Variants in AADACL2 observed in about 807,000 individuals in gnomAD.
The protein encoded by AADACL2 is arylacetamide deacetylase-like 2.
Under a neutral mutation model 22.3 loss-of-function variants are expected in AADACL2, and 23 were observed. The ratio of observed to expected loss-of-function variants is 1.03; its 90% CI spans 0.74 to 1.46. The LOEUF (loss-of-function observed/expected upper bound fraction) is 1.46, where lower values mean the gene tolerates loss of function less well. Ranked by LOEUF, AADACL2 falls within the 40% of genes most tolerant of loss-of-function variation. AADACL2 has a pLI of 0.00. For synonymous variants in AADACL2, 177 were observed against 166.2 expected (o/e 1.07, Z -0.50); for missense variants, 472 against 482.9 (o/e 0.98, Z 0.21).
In AADACL2 at chr3:151,757,415, T is replaced by C. The variant is rs1052562; in HGVS notation, c.1027T>C (p.Leu343=). ...TYILTCQHDL[L]RDDGLMYVTR... is the part of the protein sequence containing the mutation. ...TATTCTTACTTGTCAACATGATCTC[T>C]TAAGAGATGATGGACTTATGTATGT... The change falls in exon 5 of 5, where the codon TTA becomes CTA. Residue 343 remains leucine (L), a synonymous_variant. Transcript: ENST00000356517. The C allele has an allele frequency of 6.2e-7, 1 of 1,613,608 alleles. No homozygotes were observed. Among genetic ancestry groups the C allele is most frequent in the Non-Finnish European group, 8.5e-7 (1 of 1,179,692 alleles).
In AADACL2 at chr3:151,740,834, T is replaced by C. The variant is rs762903761; in HGVS notation, c.327T>C (p.Tyr109=). 1.2e-6 allele frequency: 2 copies of C among 1,613,990 alleles called. No individual in the cohort carries two copies. The highest frequency in any genetic ancestry group is 3.3e-5 in the Admixed American group (2 of 60,010). ...AAACCCGAAGGCGAGCTGTGATATA[T>C]TTTCATGGTGGTGGTTTTTGTTTTG... ...KSETRRRAVI[Y]FHGGGFCFGS... is the part of the protein sequence containing the mutation. Residue 109 remains tyrosine (Y), a synonymous_variant, in exon 2 of 5, where the codon TAT becomes TAC. Coordinates refer to ENST00000356517, the MANE Select transcript of AADACL2 (RefSeq NM_207365.4).
intron 4 of AADACL2, among the ~76,000 whole-genome samples, chr3:151,745,975 A>G (rs1713430351): frequency 6.6e-6 from 1 of 152,106 alleles, no homozygotes. Context: ...TATCTTATCA[A>G]TTTTTAAAAA....
At chr3:151,750,916 A>T (rs928960364) in intron 4 of AADACL2, among the ~76,000 whole-genome samples, 5 of 152,222 alleles carry the variant, frequency 3.3e-5, no homozygotes, top group Admixed American at 3.3e-4. Flanking sequence ...AATTGTAGTG[A>T]TAACAAAGCT....
Position 151,744,130 on chromosome 3 carries a change from A to T in AADACL2, c.399A>T (p.Ala133=), listed in dbSNP as rs755766477. The part of the protein sequence containing the change: ...RAFDFLNRWT[A]NTLDAVVVGV... ...TTGACTTCCTGAATAGATGGACGGC[A>T]AACACGCTTGATGCTGTTGTTGTAG... Residue 133 remains alanine (A), a synonymous_variant, in exon 3 of 5, where the codon GCA becomes GCT. Transcript: ENST00000356517. 1.2e-6 allele frequency: 2 copies of T among 1,613,780 alleles called. No homozygotes were observed. Among genetic ancestry groups the T allele is most frequent in the Non-Finnish European group, 1.7e-6 (2 of 1,179,756 alleles).
chr3:151,740,947 CTT>C (rs1713261911), intron 2 of AADACL2, 79 bp downstream of exon 2: 5 of 1,149,524 alleles, frequency 4.3e-6, no homozygotes, highest in African/African-American at 3.1e-5. Flanking sequence ...AATATACACA[CTT>C]ATACTGATAC....
Position 151,759,796 on chromosome 3 carries a change from T to A in AADACL2, c.*2202T>A, listed in dbSNP as rs894540754. 1 of 152,228 alleles carries A rather than the reference T, an allele frequency of 6.6e-6. No individual in the cohort carries two copies. Among genetic ancestry groups the A allele is most frequent in the African/African-American group, 2.4e-5 (1 of 41,460 alleles). The allele number at this position is 152,228 out of a possible 1,614,324, so 9.4% of individuals were successfully genotyped here. On this transcript the variant is annotated 3_prime_UTR_variant, in exon 5 of 5. Coordinates refer to ENST00000356517, the MANE Select transcript of AADACL2 (RefSeq NM_207365.4). ...TATCCAGGCACTGTTACTGTTTGTA[T>A]GCTAAAGGGTTCATTTCACTGGGTC...
chr3:151,739,615 C>G (rs1173349473), intron 1 of AADACL2, among the ~76,000 whole-genome samples: 1 of 152,238 alleles, frequency 6.6e-6, no homozygotes, highest in Non-Finnish European at 1.5e-5. Flanking sequence ...GCACCCACAG[C>G]TTCCCCTTCC....
At chr3:151,748,910 G>A (rs765134759) in intron 4 of AADACL2, among the ~76,000 whole-genome samples, 1 of 152,128 alleles carries the variant, frequency 6.6e-6, no homozygotes, top group Non-Finnish European at 1.5e-5. Context: ...CTATATGTTT[G>A]TTTATATGCC....
At chr3:151,743,271 G>C (rs934686766) in intron 2 of AADACL2, among the ~76,000 whole-genome samples, 1 of 152,136 alleles carries the variant, frequency 6.6e-6, no homozygotes, top group Admixed American at 6.6e-5. Context: ...TGCAAGAGAA[G>C]GTCCAGAGAA....
chr3:151,738,565 C>A (rs1713169282), intron 1 of AADACL2, among the ~76,000 whole-genome samples: 2 of 152,168 alleles, frequency 1.3e-5, no homozygotes, highest in South Asian at 2.1e-4. Context: ...AGAAGTTCTC[C>A]TGGATAATAT....
rs776800077 is a variant in AADACL2, at chr3:151,757,115, A to G, written c.727A>G (p.Arg243Gly). 2 of 1,613,256 alleles carry G rather than the reference A, an allele frequency of 1.2e-6. No individual in the cohort carries two copies. The highest frequency in any genetic ancestry group is 2.7e-5 in the African/African-American group (2 of 74,806). The change falls in exon 5 of 5, where the codon AGG (arginine) becomes GGG (glycine). Residue 243 changes from arginine to glycine, a missense_variant. Transcript: ENST00000356517. ...AAATGAGCATGGTATAGTTTTGACCAGGGATGTAGCCATAAAACTCGTGAG... is the reference window on the plus strand; with the variant it reads ...AAATGAGCATGGTATAGTTTTGACCGGGGATGTAGCCATAAAACTCGTGAG... ...RENEHGIVLT[R>G]DVAIKLVSLY...
chr3:151,752,674 C>T (rs1033144663), intron 4 of AADACL2, among the ~76,000 whole-genome samples: 2 of 152,112 alleles, frequency 1.3e-5, no homozygotes, highest in African/African-American at 2.4e-5. Flanking sequence ...TATTTAGGAT[C>T]AGAGATATTC....
Position 151,760,592 on chromosome 3 carries a change from T to C in AADACL2, c.*2998T>C, listed in dbSNP as rs1339638293. On this transcript the variant is annotated 3_prime_UTR_variant, in exon 5 of 5. Coordinates refer to ENST00000356517, the MANE Select transcript of AADACL2 (RefSeq NM_207365.4). ...AAGGTGTAGGTTTCTGACACATATATCTAACATGTAAAGAAGTAACAATTT... is the reference window on the plus strand; with the variant it reads ...AAGGTGTAGGTTTCTGACACATATACCTAACATGTAAAGAAGTAACAATTT... 6.6e-6 allele frequency: 1 copy of C among 152,324 alleles called. No homozygotes were observed. The highest frequency in any genetic ancestry group is 1.5e-5 in the Non-Finnish European group (1 of 68,012). The allele number at this position is 152,324 out of a possible 1,614,324, so 9.4% of individuals were successfully genotyped here.
At chr3:151,755,269 A>G (rs1472380230) in intron 4 of AADACL2, 3 of 152,150 alleles carry the variant, frequency 2.0e-5, no homozygotes, top group Non-Finnish European at 2.9e-5. Context: ...TACAATGACA[A>G]CTTAGGTATC....
At position 151,759,852 on chromosome 3, in the gene AADACL2, G is replaced by C. The variant is rs1294681634; in HGVS notation, c.*2258G>C. On this transcript the variant is annotated 3_prime_UTR_variant, in exon 5 of 5. Transcript: ENST00000356517. The stretch of plus-strand genomic sequence containing the variant: ...TTCAAAGTTTGTTCCATTTTGTGTG[G>C]TGGCATGAGCATTGTGATCAAGCCA... 6.6e-6 allele frequency: 1 copy of C among 152,068 alleles called. No homozygotes were observed. The highest frequency in any genetic ancestry group is 1.5e-5 in the Non-Finnish European group (1 of 68,000). 9.4% of individuals were successfully genotyped at this position (152,068 alleles called of 1,614,324 possible).
intron 4 of AADACL2, among the ~76,000 whole-genome samples, chr3:151,752,036 C>A (rs1237156182): frequency 1.3e-5 from 2 of 152,116 alleles, no homozygotes; most frequent in African/African-American, 4.8e-5. Context: ...TTATCCTTTC[C>A]TATTTACTTT....
rs77752356 is a variant in AADACL2, at chr3:151,756,782, A to C, written c.604-210A>C. 1.5e-3 allele frequency among the ~76,000 whole-genome samples: 233 copies of C among 151,816 alleles called. 3 individuals are homozygous for C. In the East Asian group the frequency reaches 0.023, roughly 15 times the overall value. On this transcript the variant is annotated intron_variant, in intron 4 of 4. Coordinates refer to ENST00000356517, the MANE Select transcript of AADACL2 (RefSeq NM_207365.4). ...TACTTTCTCCTTTTTTCCTCACACAAAAAATCAATATTTTTTAAAACCTTA... is the reference window on the plus strand; with the variant it reads ...TACTTTCTCCTTTTTTCCTCACACACAAAATCAATATTTTTTAAAACCTTA...
At position 151,744,104 on chromosome 3, in the gene AADACL2, T is replaced by C; in HGVS notation, c.373T>C (p.Phe125Leu). 6.2e-7 allele frequency: 1 copy of C among 1,613,710 alleles called. No homozygotes were observed. The highest frequency in any genetic ancestry group is 1.1e-5 in the South Asian group (1 of 91,014). ...TTTCTTCATTTCAGAACAGAGGGCT[T>C]TTGACTTCCTGAATAGATGGACGGC... ...FCFGSSKQRA[F>L]DFLNRWTANT... Residue 125 changes from phenylalanine (F) to leucine (L), a missense_variant, in exon 3 of 5, where the codon TTT becomes CTT. By Grantham distance (22) the Phe-to-Leu change is conservative. Coordinates refer to ENST00000356517, the MANE Select transcript of AADACL2 (RefSeq NM_207365.4).
At chr3:151,756,218 A>G (rs909733698) in intron 4 of AADACL2, among the ~76,000 whole-genome samples, 1 of 152,150 alleles carries the variant, frequency 6.6e-6, no homozygotes, top group African/African-American at 2.4e-5. Context: ...TATCTCCTGC[A>G]GTCTGCAGGG....
Sources: allele counts gnomAD v4.1 joint callset (sites outside exome capture counted in the v4.1 genomes callset), GRCh38; gene constraint gnomAD v4.1.1; transcripts MANE v1.5; gene names NCBI Gene and HGNC (gene_info 2026-07-23, HGNC 2026-07-21).